RELN: variants seen among roughly 807,000 people sequenced by gnomAD.
RELN encodes reelin.
A neutral mutation model predicts 427.6 loss-of-function variants in RELN; 108 were observed. The observed-to-expected ratio is 0.25, with a 90% CI of 0.22 to 0.30. The LOEUF is 0.30. Among genes scored for constraint, RELN ranks in the 10% least tolerant of loss-of-function variants. The probability of loss-of-function intolerance (pLI) is 1.00; values close to 1 mark genes in which losing one functional copy is unlikely to be tolerated. For synonymous variants in RELN, 1,524 were observed against 1,513.4 expected (o/e 1.01, Z -0.16); for missense variants, 3,715 against 4,302.8 (o/e 0.86, Z 3.82).
Position 103,535,359 on chromosome 7 carries a change from T to C in RELN, c.7306A>G (p.Asn2436Asp). The change falls in exon 46 of 65, where the codon AAC becomes GAC. Residue 2436 changes from asparagine (N) to aspartate (D), a missense_variant. Physicochemically the swap from Asn to Asp is conservative, Grantham distance 23. Around this residue, in one of 4 missense-constraint regions of RELN, gnomAD observed 1,310 missense variants for 1,643.0 expected, o/e 0.80. Transcript: ENST00000428762. Reference sequence around the variant, plus strand: ...GGCAGAGTGATTCTAGTCCACTTGTTGAAAGTGTCTGACACCAGGATCCGT... The same window carrying C: ...GGCAGAGTGATTCTAGTCCACTTGTCGAAAGTGTCTGACACCAGGATCCGT... Reference protein sequence around the residue: ...LQRILVSDTFNKWTRITLPLP... With the variant: ...LQRILVSDTFDKWTRITLPLP... The C allele has an allele frequency of 6.2e-7, 1 of 1,614,074 alleles. No individual in the cohort carries two copies. The highest frequency in any genetic ancestry group is 8.5e-7 in the Non-Finnish European group (1 of 1,179,964).
At chr7:103,501,075 C>CTT (rs1268505838) in intron 52 of RELN, among the ~76,000 whole-genome samples, 153 bp from the exon 53 acceptor site, 1 of 152,112 alleles carries the variant, frequency 6.6e-6, no homozygotes, top group Non-Finnish European at 1.5e-5. Context: ...TCTGACCACT[C>CTT]TTATCTTTCT....
At chr7:103,745,552 A>C (rs950537051) in intron 6 of RELN, among the ~76,000 whole-genome samples, 4 of 151,138 alleles carry the variant, frequency 2.6e-5, no homozygotes, top group African/African-American at 9.9e-5. Flanking sequence ...CAAGCTGATA[A>C]GCAACTTCAG....
chr7:103,699,102 A>C (rs532326540), intron 9 of RELN, among the ~76,000 whole-genome samples: 3 of 152,280 alleles, frequency 2.0e-5, no homozygotes, highest in Admixed American at 6.5e-5. Context: ...ATTTTTATTA[A>C]ACATTTTCTT....
At chr7:103,872,208 C>G (rs1005455084) in intron 2 of RELN, among the ~76,000 whole-genome samples, 24 of 91,422 alleles carry the variant, frequency 2.6e-4, no homozygotes, top group Non-Finnish European at 3.6e-4. Context: ...TGCTATCCCT[C>G]CCCCCTCCCC....
At chr7:103,701,683 G>A (rs563864356) in intron 8 of RELN, among the ~76,000 whole-genome samples, 7 of 152,006 alleles carry the variant, frequency 4.6e-5, no homozygotes, top group Admixed American at 2.6e-4. Flanking sequence ...TCTACATGTC[G>A]AATGAATTCA....
chr7:103,961,129 G>A (rs1398805003), intron 1 of RELN, among the ~76,000 whole-genome samples: 2 of 152,210 alleles, frequency 1.3e-5, no homozygotes, highest in East Asian at 1.9e-4. Flanking sequence ...GCCTGTTATA[G>A]GTACCTGTAT....
At chr7:103,797,113 G>A (rs153960) in intron 3 of RELN, among the ~76,000 whole-genome samples, 23,453 of 151,706 alleles carry the variant, frequency 0.15, 2,226 homozygotes, top group Non-Finnish European at 0.2. Context: ...GAGACAGAGC[G>A]TCGCTCTTGT....
At chr7:103,798,799 A>T (rs1563020097) in intron 3 of RELN, among the ~76,000 whole-genome samples, 1 of 152,178 alleles carries the variant, frequency 6.6e-6, no homozygotes, top group Non-Finnish European at 1.5e-5. Context: ...AGATAAAGCA[A>T]CGAACAAATG....
chr7:103,639,975 T>C (rs1832665113), intron 17 of RELN, among the ~76,000 whole-genome samples: 1 of 152,184 alleles, frequency 6.6e-6, no homozygotes, highest in African/African-American at 2.4e-5. Flanking sequence ...TAATTAGATA[T>C]TACATTATTA....
chr7:103,490,560 G>T, intron 59 of RELN, 108 bp downstream of exon 59: 2 of 1,180,016 alleles, frequency 1.7e-6, no homozygotes, highest in Non-Finnish European at 2.5e-6. Flanking sequence ...GGGCACCAGG[G>T]CTGCATGTAA....
chr7:103,839,111 G>A (rs896328262), intron 2 of RELN, among the ~76,000 whole-genome samples: 1 of 152,138 alleles, frequency 6.6e-6, no homozygotes, highest in East Asian at 1.9e-4. Flanking sequence ...TCAGGGCTTA[G>A]AGTAACACTA....
intron 36 of RELN, among the ~76,000 whole-genome samples, chr7:103,560,837 C>A (rs1830625785): frequency 6.6e-6 from 1 of 152,046 alleles, no homozygotes; most frequent in African/African-American, 2.4e-5. Flanking sequence ...TGAAAAAGTT[C>A]CAGGGTATCT....
chr7:103,660,155 G>T (rs1004429861), intron 12 of RELN, among the ~76,000 whole-genome samples: 1 of 151,884 alleles, frequency 6.6e-6, no homozygotes, highest in African/African-American at 2.4e-5. Context: ...TCAAAATATG[G>T]TATGAAATAC....
At chr7:103,851,515 C>A (rs1793821074) in intron 2 of RELN, among the ~76,000 whole-genome samples, 1 of 152,148 alleles carries the variant, frequency 6.6e-6, no homozygotes, top group Admixed American at 6.5e-5. Flanking sequence ...AACAGAAAAA[C>A]AATTTACGTT....
At chr7:103,584,017 C>A (rs1202778758) in intron 28 of RELN, among the ~76,000 whole-genome samples, 1 of 152,162 alleles carries the variant, frequency 6.6e-6, no homozygotes, top group Non-Finnish European at 1.5e-5. Context: ...TGCATCTTGC[C>A]CTTGGTAACA....
intron 16 of RELN, among the ~76,000 whole-genome samples, chr7:103,649,732 A>AATG (rs1367392371): frequency 1.6e-5 from 1 of 64,246 alleles, no homozygotes; most frequent in Non-Finnish European, 3.0e-5. Context: ...ATTCACTTGA[A>AATG]AATGAAAGAT....
At chr7:103,581,859 T>C (rs2237628) in intron 28 of RELN, among the ~76,000 whole-genome samples, 71,435 of 151,458 alleles carry the variant, frequency 0.47, 16,908 homozygotes, top group South Asian at 0.52. Flanking sequence ...CCCAGACTCT[T>C]ACCAACTCAT....
chr7:103,974,382 T>A (rs1311490513), intron 1 of RELN, among the ~76,000 whole-genome samples: 1 of 152,226 alleles, frequency 6.6e-6, no homozygotes, highest in Non-Finnish European at 1.5e-5. Flanking sequence ...TTCCTGAGCC[T>A]GTGGGCTATC....
At chr7:103,972,206 T>G (rs1161150916) in intron 1 of RELN, among the ~76,000 whole-genome samples, 1 of 152,186 alleles carries the variant, frequency 6.6e-6, no homozygotes, top group African/African-American at 2.4e-5. Flanking sequence ...TAAACAAAGG[T>G]GTAGCTCTGT....
Sources: allele counts gnomAD v4.1 joint callset (sites outside exome capture counted in the v4.1 genomes callset), GRCh38; gene constraint gnomAD v4.1.1; regional missense constraint gnomAD v4.1.1; transcripts MANE v1.5; gene names NCBI Gene and HGNC (gene_info 2026-07-23, HGNC 2026-07-21).